NCAPG2: variants seen among roughly 807,000 people sequenced by gnomAD.
The protein encoded by NCAPG2 is non-SMC condensin II complex subunit G2.
Under a neutral mutation model 141.1 loss-of-function variants are expected in NCAPG2, and 53 were observed. The ratio of observed to expected loss-of-function variants is 0.38; its 90% CI spans 0.30 to 0.47. The LOEUF (loss-of-function observed/expected upper bound fraction) is 0.47. NCAPG2 is among the 20% of genes least tolerant of loss of function. The pLI, the probability that NCAPG2 is intolerant of heterozygous loss-of-function variation, is 0.99. For synonymous variants in NCAPG2, 499 were observed against 490.7 expected (o/e 1.02, Z -0.22); for missense variants, 1,087 against 1,389.0 (o/e 0.78, Z 3.46).
At chr7:158,638,479 ATCCACCCACCTTAGCC>A (rs1251137277) in intron 27 of NCAPG2, among the ~76,000 whole-genome samples, 1 of 152,106 alleles carries the variant, frequency 6.6e-6, no homozygotes, top group Non-Finnish European at 1.5e-5. Context: ...AGCTCAAGCA[ATCCACCCACCTTAGCC>A]TCCCATAGTG....
At position 158,667,353 on chromosome 7, in the gene NCAPG2, G is replaced by GGGTCCCTCCGCCCTCCCTTAC. The variant is rs1833099990; in HGVS notation, c.1480-2604_1480-2603insGTAAGGGAGGGCGGAGGGACC. ...CGCTACTGTGTCCCTCCGCTCCTTA[G>GGGTCCCTCCGCCCTCCCTTAC]CCACTACCGGATCCCTCCGCCCCCC... On this transcript the variant is annotated intron_variant, in intron 13 of 27. Coordinates refer to ENST00000356309, the MANE Select transcript of NCAPG2 (RefSeq NM_017760.7). 1.5e-5 allele frequency: 2 copies of GGGTCCCTCCGCCCTCCCTTAC among 134,732 alleles called. 1 individual carries two copies. Among genetic ancestry groups the GGGTCCCTCCGCCCTCCCTTAC allele is most frequent in the Admixed American group, 1.3e-3 (2 of 1,546 alleles). 8.3% of individuals were successfully genotyped at this position (134,732 alleles called of 1,614,324 possible).
At chr7:158,637,513 C>T (rs1414009875) in intron 27 of NCAPG2, among the ~76,000 whole-genome samples, 1 of 152,286 alleles carries the variant, frequency 6.6e-6, no homozygotes, top group Non-Finnish European at 1.5e-5. Flanking sequence ...CACAAGCCCC[C>T]ACCCCATCCG....
chr7:158,698,235 T>C (rs563757704), intron 2 of NCAPG2, among the ~76,000 whole-genome samples: 8 of 152,230 alleles, frequency 5.3e-5, no homozygotes, highest in Non-Finnish European at 1.0e-4. Flanking sequence ...TAAGCTAAGG[T>C]TAATTTATTA....
rs763660999 is a variant in NCAPG2 at position 158,658,349 on chromosome 7, G to A, written c.2049C>T (p.Val683=). ...MLMSFMPASA[V]PPFSCGVIST... ...AACAGAGCAAATACCTGAATGGGGG[G>A]ACAGCAGAGGCCGGCATAAAGGACA... The change falls in exon 17 of 28, where the codon GTC becomes GTT. Residue 683 remains valine, a synonymous_variant. Transcript: ENST00000356309. 18 of 1,611,312 alleles carry A rather than the reference G, an allele frequency of 1.1e-5. 1 individual carries two copies. In the South Asian group the frequency reaches 2.0e-4, roughly 18 times the overall value.
intron 24 of NCAPG2, among the ~76,000 whole-genome samples, chr7:158,648,522 C>A (rs555086829): frequency 6.9e-6 from 1 of 145,218 alleles, no homozygotes; most frequent in South Asian, 2.2e-4. Flanking sequence ...TGGACTATAA[C>A]CACGCCAAAT....
chr7:158,663,975 C>G (rs898021773), intron 15 of NCAPG2, among the ~76,000 whole-genome samples: 1 of 152,214 alleles, frequency 6.6e-6, no homozygotes, highest in Non-Finnish European at 1.5e-5. Context: ...AATTTTTCTT[C>G]TGTATTAAGT....
At chr7:158,672,736 G>T (rs1833822119) in intron 12 of NCAPG2, among the ~76,000 whole-genome samples, 2 of 152,072 alleles carry the variant, frequency 1.3e-5, no homozygotes, top group Admixed American at 1.3e-4. Flanking sequence ...TGAATCATCT[G>T]CTCCACCTGT....
intron 13 of NCAPG2, among the ~76,000 whole-genome samples, chr7:158,671,102 G>C (rs1016555804): frequency 8.0e-6 from 1 of 125,178 alleles, no homozygotes; most frequent in Non-Finnish European, 1.6e-5. Flanking sequence ...TGGGGGTGGG[G>C]GGTGGCTCAT....
rs374355085 is a variant in NCAPG2, at chr7:158,656,703, C to T, written c.2063G>A (p.Cys688Tyr). ...MPASAVPPFS[C>Y]GVISTLRSRE... ...GCTTCTCAGCGTGGAAATCACACCA[C>T]AGCTGAAAATGTCAGACGGAAAATC... Residue 688 changes from cysteine to tyrosine, a missense_variant and splice_region_variant, in exon 18 of 28, where the codon TGT (cysteine) becomes TAT (tyrosine). By Grantham distance (194) the Cys-to-Tyr change is radical. Coordinates refer to ENST00000356309, the MANE Select transcript of NCAPG2 (RefSeq NM_017760.7). 9 of 1,613,614 alleles carry T rather than the reference C, an allele frequency of 5.6e-6. No individual in the cohort carries two copies. The African/African-American group carries it at 9.3e-5, about 17-fold the overall frequency.
intron 1 of NCAPG2, 150 bp from the exon 2 acceptor site, chr7:158,702,088 A>G (rs1317948408): frequency 3.8e-6 from 2 of 531,548 alleles, no homozygotes; most frequent in Non-Finnish European, 6.6e-6. Flanking sequence ...AAAACACGCT[A>G]TAATATCTGA....
At chr7:158,650,481 C>A (rs891795318) in intron 24 of NCAPG2, among the ~76,000 whole-genome samples, 1 of 152,226 alleles carries the variant, frequency 6.6e-6, no homozygotes, top group Non-Finnish European at 1.5e-5. Context: ...CTGCTCACCA[C>A]TGATTACAAC....
intron 23 of NCAPG2, among the ~76,000 whole-genome samples, chr7:158,651,351 G>C (rs893613015): frequency 1.3e-5 from 2 of 152,144 alleles, no homozygotes; most frequent in Admixed American, 6.5e-5. Context: ...AAACCTAAAG[G>C]TTTTGGCACA....
chr7:158,645,395 A>C, intron 26 of NCAPG2, 124 bp downstream of exon 26: 1 of 755,304 alleles, frequency 1.3e-6, no homozygotes, highest in South Asian at 1.7e-5. Context: ...GGGAGTGGAA[A>C]GGCTGGGGGA....
intron 27 of NCAPG2, among the ~76,000 whole-genome samples, chr7:158,638,789 G>C (rs1027799835): frequency 3.3e-5 from 5 of 152,108 alleles, no homozygotes; most frequent in African/African-American, 7.2e-5. Flanking sequence ...GAAAAGTTGA[G>C]GTAACACAAT....
At chr7:158,675,970 C>G (rs1446322997) in intron 11 of NCAPG2, among the ~76,000 whole-genome samples, 1 of 152,146 alleles carries the variant, frequency 6.6e-6, no homozygotes, top group Non-Finnish European at 1.5e-5. Flanking sequence ...AGGCATGGCC[C>G]ACGTACACCA....
chr7:158,637,578 C>CCGAGCCACCCA (rs1461010958), intron 27 of NCAPG2, among the ~76,000 whole-genome samples: 1 of 151,928 alleles, frequency 6.6e-6, no homozygotes, highest in South Asian at 2.1e-4. Flanking sequence ...AGCTCCGGCT[C>CCGAGCCACCCA]CAGCAGCTCC....
intron 11 of NCAPG2, among the ~76,000 whole-genome samples, chr7:158,677,404 GAGA>G (rs1834126899): frequency 6.6e-6 from 1 of 151,412 alleles, no homozygotes; most frequent in Non-Finnish European, 1.5e-5. Flanking sequence ...TACACAACTA[GAGA>G]AGAACACCTG....
chr7:158,649,995 G>T (rs557020242), intron 24 of NCAPG2, among the ~76,000 whole-genome samples: 8 of 152,118 alleles, frequency 5.3e-5, no homozygotes, highest in Non-Finnish European at 7.4e-5. Flanking sequence ...TACAGCTACC[G>T]GTAGGAAAAT....
At chr7:158,684,880 T>C (rs755371644) in intron 8 of NCAPG2, among the ~76,000 whole-genome samples, 7 of 152,164 alleles carry the variant, frequency 4.6e-5, no homozygotes, top group African/African-American at 1.7e-4. Context: ...AAGTCAGTGA[T>C]AAACCTTGGC....
Sources: gnomAD v4.1 joint callset for allele counts (sites outside exome capture counted in the v4.1 genomes callset) on GRCh38, gnomAD v4.1.1 for gene constraint, MANE v1.5 for transcripts, NCBI Gene and HGNC (gene_info 2026-07-23, HGNC 2026-07-21) for gene names.